RIOK2: variants seen among roughly 807,000 people sequenced by gnomAD.
RIOK2 encodes serine/threonine-protein kinase RIO2.
In RIOK2, 46 loss-of-function variants were observed where a neutral mutation model predicts 62.4. The ratio of observed to expected loss-of-function variants is 0.74; its 90% confidence interval spans 0.58 to 0.94. The LOEUF (loss-of-function observed/expected upper bound fraction) is 0.94. RIOK2 is among the 40% of genes least tolerant of loss of function. The pLI is 0.00. For synonymous variants in RIOK2, 197 were observed against 216.0 expected (o/e 0.91, Z 0.77); for missense variants, 574 against 658.0 (o/e 0.87, Z 1.40).
chr5:97,183,126 C>G lies in RIOK2; in HGVS notation c.66G>C (p.Ala22=). 1.2e-6 allele frequency: 2 copies of G among 1,614,114 alleles called. No homozygotes were observed. Among genetic ancestry groups the G allele is most frequent in the East Asian group, 2.2e-5 (1 of 44,870 alleles). Residue 22 remains alanine, a splice_region_variant and synonymous_variant, in exon 1 of 10, where the codon GCG becomes GCC. Transcript: ENST00000283109. ...AGAACAGGAACGGCGGGTTTCTTAC[C>G]GCGGTCAAGACCCTGAAGTCATCTC... is the stretch of plus-strand genomic sequence containing the variant. The part of the protein sequence containing the change: ...MSRDDFRVLT[A]VEMGMKNHEI...
chr5:97,167,865 T>C lies in RIOK2; in HGVS notation c.999A>G (p.Glu333=). ...CCACTTCTCCATCTGAAAATGAGAA[T>C]TCAGATCCCTCTTTTGTTTCAATAT... ...DKNIETKEGS[E]FSFSDGEVAE... The change falls in exon 8 of 10, where the codon GAA becomes GAG. Residue 333 remains glutamate (E), a synonymous_variant. Coordinates refer to ENST00000283109, the MANE Select transcript of RIOK2 (RefSeq NM_018343.3). 2 of 1,613,980 alleles carry C rather than the reference T, an allele frequency of 1.2e-6. No homozygotes were observed. Among genetic ancestry groups the C allele is most frequent in the Non-Finnish European group, 1.7e-6 (2 of 1,180,010 alleles).
chr5:97,167,211 T>C, intron 8 of RIOK2: 1 of 1,361,360 alleles, frequency 7.3e-7, no homozygotes, highest in Non-Finnish European at 9.4e-7. Context: ...AGCGAGCCAC[T>C]GTGCCCAGCC....
Position 97,172,824 on chromosome 5 carries a change from G to A in RIOK2, c.587+351C>T, listed in dbSNP as rs569015309. ...CTTACTCTGCTTTTTTTTATCCATA[G>A]TACTTACTAACAATTGATATACATT... On this transcript the variant is annotated intron_variant, in intron 5 of 9. Coordinates refer to ENST00000283109, the MANE Select transcript of RIOK2 (RefSeq NM_018343.3). Among the ~76,000 whole-genome samples, 3 of 152,138 alleles carry A rather than the reference G, an allele frequency of 2.0e-5. No individual in the cohort carries two copies. The South Asian group carries it at 6.2e-4, about 32-fold the overall frequency.
intron 9 of RIOK2, among the ~76,000 whole-genome samples, chr5:97,164,575 G>T (rs1277626733): frequency 1.3e-5 from 2 of 151,876 alleles, no homozygotes; most frequent in Non-Finnish European, 2.9e-5. Flanking sequence ...CCATTAACAT[G>T]TACGTCCAAG....
intron 5 of RIOK2, among the ~76,000 whole-genome samples, chr5:97,172,537 G>A (rs1050374694): frequency 6.6e-6 from 1 of 152,154 alleles, no homozygotes; most frequent in Admixed American, 6.5e-5. Flanking sequence ...TTCTTGCCTA[G>A]ATTATTGTAA....
chr5:97,173,378 AT>A lies in RIOK2; in HGVS notation c.499-116del, dbSNP rs1222239348. Reference sequence around the variant, plus strand: ...AAAAAAACACACAAACCTTTATAAAATTGTAGTTAACACATGGTTATTTATG... The same window carrying A: ...AAAAAAACACACAAACCTTTATAAAATGTAGTTAACACATGGTTATTTATG... On this transcript the variant is annotated intron_variant, in intron 4 of 9. Coordinates refer to ENST00000283109, the MANE Select transcript of RIOK2 (RefSeq NM_018343.3). 13 of 717,354 alleles carry A rather than the reference AT, an allele frequency of 1.8e-5. No individual in the cohort carries two copies. In the Admixed American group the frequency reaches 2.8e-4, roughly 16 times the overall value. The allele number at this position is 717,354 out of a possible 1,614,324, so 44.4% of individuals were successfully genotyped here. A position where few individuals can be genotyped will look rare whatever the true frequency, so the allele number is the denominator to read the frequency against.
rs764492479 is a variant in RIOK2, at chr5:97,168,712, C to A, written c.872+48G>T. On this transcript the variant is annotated intron_variant, in intron 7 of 9. Coordinates refer to ENST00000283109, the MANE Select transcript of RIOK2 (RefSeq NM_018343.3). ...ATGTTAATTTTTAGAAATACACAGA[C>A]CAGATATTTAAACTGTTCTATTATG... 4 of 1,123,066 alleles carry A rather than the reference C, an allele frequency of 3.6e-6. No homozygotes were observed. In the Admixed American group the frequency reaches 7.8e-5, roughly 22 times the overall value. The allele number at this position is 1,123,066 out of a possible 1,614,324, so 69.6% of individuals were successfully genotyped here.
intron 4 of RIOK2, 49 bp downstream of exon 4, chr5:97,177,067 C>G: frequency 2.7e-6 from 4 of 1,489,930 alleles, no homozygotes; most frequent in Non-Finnish European, 3.7e-6. Flanking sequence ...CTTTGAGACA[C>G]ATGTATTATT....
In RIOK2 at chr5:97,177,781, C is replaced by T. The variant is rs767356389; in HGVS notation, c.273G>A (p.Arg91=). ...GGTTTCCAACAGACTCAACTACTTGCCTAGAAGAAAGTGTTTTCAAAGCTA... is the reference window on the plus strand; with the variant it reads ...GGTTTCCAACAGACTCAACTACTTGTCTAGAAGAAAGTGTTTTCAAAGCTA... ...DYLALKTLSS[R]QVVESVGNQM... is the part of the protein sequence containing the mutation. Residue 91 remains arginine, a synonymous_variant, in exon 3 of 10, where the codon AGG becomes AGA. Transcript: ENST00000283109. 9.3e-6 allele frequency: 15 copies of T among 1,613,442 alleles called. No individual in the cohort carries two copies. The highest frequency in any genetic ancestry group is 1.7e-5 in the Admixed American group (1 of 59,948).
intron 9 of RIOK2, among the ~76,000 whole-genome samples, chr5:97,164,522 AAAAAAC>A (rs987659587): frequency 4.2e-4 from 64 of 152,012 alleles, no homozygotes; most frequent in African/African-American, 1.4e-3. Flanking sequence ...CATCTCAAAA[AAAAAAC>A]AAAAACAAAA....
chr5:97,165,132 C>A lies in RIOK2; in HGVS notation c.1413G>T (p.Val471=). The A allele has an allele frequency of 6.9e-7, 1 of 1,455,700 alleles. No individual in the cohort carries two copies. 90.2% of individuals were successfully genotyped at this position (1,455,700 alleles called of 1,614,324 possible). A position where few individuals can be genotyped will look rare whatever the true frequency, so the allele number is the denominator to read the frequency against. The change falls in exon 9 of 10, where the codon GTG becomes GTT. Residue 471 remains valine (V), a synonymous_variant. Coordinates refer to ENST00000283109, the MANE Select transcript of RIOK2 (RefSeq NM_018343.3). ...EFRPFRDEEN[V]GAMNQYRTRT... ...TTGTTCTATACTGATTCATAGCTCC[C>A]ACATTTTCTTCATCTCTAAAATTAA...
rs1016521140 is a variant in RIOK2 at position 97,171,218 on chromosome 5, G to A, written c.767C>T (p.Pro256Leu). The stretch of plus-strand genomic sequence containing the variant: ...AGCAAGTACGTACCACTCAGCATTG[G>A]GATGAGAAGTTGAAACCATCTGTGG... The part of the protein sequence containing the change: ...DFPQMVSTSH[P>L]NAEWYFDRDV... The change falls in exon 6 of 10, where the codon CCC becomes CTC. Residue 256 changes from proline (P) to leucine (L), a missense_variant. Transcript: ENST00000283109. 1.3e-6 allele frequency: 2 copies of A among 1,561,666 alleles called. No homozygotes were observed. The highest frequency in any genetic ancestry group is 2.7e-5 in the African/African-American group (2 of 72,906).
intron 8 of RIOK2, among the ~76,000 whole-genome samples, chr5:97,165,420 A>G (rs1748818831): frequency 6.6e-6 from 1 of 152,138 alleles, no homozygotes; most frequent in Admixed American, 6.5e-5. Flanking sequence ...CCTCCCCACA[A>G]TTCATCTTCC....
At chr5:97,171,679 C>G (rs191482878) in intron 5 of RIOK2, among the ~76,000 whole-genome samples, 1 of 152,180 alleles carries the variant, frequency 6.6e-6, no homozygotes, top group Non-Finnish European at 1.5e-5. Flanking sequence ...CTCTCTCATA[C>G]CATTTCAAAC....
At chr5:97,175,088 A>AAATT (rs1386079809) in intron 4 of RIOK2, among the ~76,000 whole-genome samples, 1 of 151,910 alleles carries the variant, frequency 6.6e-6, no homozygotes, top group African/African-American at 2.4e-5. Flanking sequence ...ATAAATAAAT[A>AAATT]AAAGGTTCTG....
chr5:97,162,099 T>G lies in RIOK2; in HGVS notation c.*962A>C, dbSNP rs1748715884. On this transcript the variant is annotated 3_prime_UTR_variant, in exon 10 of 10. Coordinates refer to ENST00000283109, the MANE Select transcript of RIOK2 (RefSeq NM_018343.3). ...TATATTCCCTCTGGTAGAACATAAT[T>G]AGGGATGCAAGTAATCCTGTTTGGT... The G allele has an allele frequency of 6.6e-6, 1 of 152,136 alleles. No homozygotes were observed. The highest frequency in any genetic ancestry group is 1.5e-5 in the Non-Finnish European group (1 of 68,016). The allele number at this position is 152,136 out of a possible 1,614,324, so 9.4% of individuals were successfully genotyped here.
Position 97,167,662 on chromosome 5 carries a change from TC to T in RIOK2, c.1201del (p.Glu401LysfsTer3). 1 of 1,614,220 alleles carries T rather than the reference TC, an allele frequency of 6.2e-7. No homozygotes were observed. The highest frequency in any genetic ancestry group is 8.5e-7 in the Non-Finnish European group (1 of 1,180,012). On this transcript the variant is annotated frameshift_variant, in exon 8 of 10. Transcript: ENST00000283109. LOFTEE classifies it high-confidence loss of function. ...TTCAACAACCTGCCCTTTTATTTCT[TC>T]TAAAGCTTGATTGAATTCAGTCATT... ...FEMTEFNQAL[E>X]EIKGQVVENN...
At chr5:97,182,737 C>A in intron 1 of RIOK2, 1 of 232,160 alleles carries the variant, frequency 4.3e-6, no homozygotes, top group South Asian at 4.7e-5. Flanking sequence ...GACTGCTATG[C>A]GACTGAGTCT....
intron 4 of RIOK2, 71 bp from the exon 5 acceptor site, chr5:97,173,334 A>G (rs1014830385): frequency 5.0e-5 from 48 of 951,410 alleles, no homozygotes; most frequent in Non-Finnish European, 7.7e-5. Flanking sequence ...AAAAGTAAAT[A>G]TACCTTTCTA....
Sources: gnomAD v4.1 joint callset for allele counts (sites outside exome capture counted in the v4.1 genomes callset) on GRCh38, gnomAD v4.1.1 for gene constraint, MANE v1.5 for transcripts, NCBI Gene and HGNC (gene_info 2026-07-23, HGNC 2026-07-21) for gene names.